Variants in PCMTD1 observed in about 807,000 individuals in gnomAD.
The protein encoded by PCMTD1 is protein-L-isoaspartate (D-aspartate) O-methyltransferase domain containing 1.
A neutral mutation model predicts 37.6 loss-of-function variants in PCMTD1; 12 were observed. The ratio of observed to expected loss-of-function variants is 0.32; its 90% CI spans 0.20 to 0.52. The LOEUF is 0.52. PCMTD1 is among the 20% of genes least tolerant of loss of function. PCMTD1 has a pLI of 0.97. For synonymous variants in PCMTD1, 117 were observed against 135.8 expected, an observed-to-expected ratio of 0.86 and a Z score of 0.96; for missense variants, 235 against 421.3, an observed-to-expected ratio of 0.56 and a Z score of 3.87.
intron 2 of PCMTD1, among the ~76,000 whole-genome samples, chr8:51,857,398 G>C (rs145164154): frequency 2.0e-5 from 3 of 152,214 alleles, no homozygotes; most frequent in African/African-American, 7.2e-5. Context: ...TTATATTATG[G>C]TTTATACAAG....
At chr8:51,837,886 T>C (rs2038090399) in intron 3 of PCMTD1, among the ~76,000 whole-genome samples, 1 of 152,112 alleles carries the variant, frequency 6.6e-6, no homozygotes, top group Non-Finnish European at 1.5e-5. Flanking sequence ...TTCAAGCAAT[T>C]CTTGTGCCTC....
chr8:51,881,543 A>T (rs1254550206), intron 1 of PCMTD1, among the ~76,000 whole-genome samples: 1 of 152,212 alleles, frequency 6.6e-6, no homozygotes, highest in East Asian at 1.9e-4. Flanking sequence ...ACATCTACAG[A>T]CAGGCAGAGT....
At chr8:51,845,946 A>C (rs1456016129) in intron 2 of PCMTD1, among the ~76,000 whole-genome samples, 183 bp from the exon 3 acceptor site, 1 of 152,150 alleles carries the variant, frequency 6.6e-6, no homozygotes, top group Non-Finnish European at 1.5e-5. Flanking sequence ...TAATGTAAAA[A>C]AAGGGGAAAA....
intron 2 of PCMTD1, among the ~76,000 whole-genome samples, chr8:51,856,923 G>A (rs1168378901): frequency 1.3e-5 from 2 of 152,200 alleles, no homozygotes; most frequent in East Asian, 3.9e-4. Context: ...CCTCAAACTG[G>A]ATTGAAAATC....
intron 4 of PCMTD1, among the ~76,000 whole-genome samples, chr8:51,833,290 G>A (rs16916865): frequency 0.12 from 17,873 of 152,198 alleles, 1,290 homozygotes; most frequent in East Asian, 0.17. Flanking sequence ...GCTGAGCTGA[G>A]TTGAAAGCCC....
intron 3 of PCMTD1, chr8:51,844,704 T>G (rs939801604): frequency 1.3e-5 from 2 of 151,974 alleles, no homozygotes; most frequent in African/African-American, 4.8e-5. Context: ...ATTCACAAGG[T>G]TTTTTAGCTT....
chr8:51,881,894 G>A (rs2129292419), intron 1 of PCMTD1, among the ~76,000 whole-genome samples: 1 of 152,230 alleles, frequency 6.6e-6, no homozygotes, highest in African/African-American at 2.4e-5. Context: ...AGCCTTTGCT[G>A]AAGTTCCCTT....
At chr8:51,898,411 C>CA (rs1232782627) in intron 1 of PCMTD1, among the ~76,000 whole-genome samples, 2 of 152,174 alleles carry the variant, frequency 1.3e-5, no homozygotes, top group Non-Finnish European at 2.9e-5. Context: ...TATAACCTCT[C>CA]AGTCCCCTCC....
At chr8:51,829,025 C>T (rs1438926198) in intron 5 of PCMTD1, among the ~76,000 whole-genome samples, 5 of 152,008 alleles carry the variant, frequency 3.3e-5, no homozygotes, top group African/African-American at 7.2e-5. Context: ...TTGTAAGTAG[C>T]GAAAGTATAC....
chr8:51,860,820 T>C lies in PCMTD1; in HGVS notation c.307+25A>G, dbSNP rs761931128. On this transcript the variant is annotated intron_variant, in intron 2 of 5. Transcript: ENST00000522514. ...ATACAAAATGGCTTATTTTTTAAAA[T>C]AGAATTTTACAAAAATAAAATTACC... 3.9e-6 allele frequency: 6 copies of C among 1,529,916 alleles called. No homozygotes were observed. In the African/African-American group the frequency reaches 4.3e-5, roughly 11 times the overall value. 94.8% of individuals were successfully genotyped at this position (1,529,916 alleles called of 1,614,324 possible). A position where few individuals can be genotyped will look rare whatever the true frequency, so the allele number is the denominator to read the frequency against.
At chr8:51,849,978 A>G in intron 2 of PCMTD1, 2 of 681,262 alleles carry the variant, frequency 2.9e-6, no homozygotes, top group South Asian at 3.1e-5. Context: ...GTGTAAAGCT[A>G]ACTTACAGAA....
At chr8:51,827,781 C>T (rs2037941843) in intron 5 of PCMTD1, among the ~76,000 whole-genome samples, 1 of 152,096 alleles carries the variant, frequency 6.6e-6, no homozygotes, top group Non-Finnish European at 1.5e-5. Flanking sequence ...ATCATTTAGT[C>T]TGTAAATATT....
chr8:51,899,135 G>A (rs539439736), upstream of PCMTD1: 34 of 1,377,014 alleles, frequency 2.5e-5, no homozygotes, highest in Middle Eastern at 2.6e-4. Context: ...CGGGCACAGG[G>A]GCAGCTCCCC....
intron 1 of PCMTD1, among the ~76,000 whole-genome samples, chr8:51,887,106 T>C (rs1479854522): frequency 6.6e-6 from 1 of 152,222 alleles, no homozygotes; most frequent in African/African-American, 2.4e-5. Context: ...ATGATTACAC[T>C]GGGCTTATCG....
chr8:51,874,623 T>TGTAA (rs2038687475), intron 1 of PCMTD1, among the ~76,000 whole-genome samples: 1 of 152,090 alleles, frequency 6.6e-6, no homozygotes, highest in South Asian at 2.1e-4. Context: ...AGCCAAACAG[T>TGTAA]GTAAAATTAC....
intron 5 of PCMTD1, chr8:51,827,000 T>C: frequency 6.3e-6 from 6 of 945,040 alleles, no homozygotes; most frequent in South Asian, 4.9e-5. Context: ...AATTTATATA[T>C]ATATTATTTT....
At chr8:51,872,257 CG>C (rs938856891) in intron 1 of PCMTD1, among the ~76,000 whole-genome samples, 1 of 152,138 alleles carries the variant, frequency 6.6e-6, no homozygotes, top group Admixed American at 6.5e-5. Flanking sequence ...TATTACCACA[CG>C]TATCTCCCTA....
At chr8:51,843,594 A>G (rs948299835) in intron 3 of PCMTD1, among the ~76,000 whole-genome samples, 4 of 85,646 alleles carry the variant, frequency 4.7e-5, no homozygotes, top group Non-Finnish European at 1.5e-4. Context: ...GTATTTTACA[A>G]TAACAAAAAA....
intron 1 of PCMTD1, among the ~76,000 whole-genome samples, chr8:51,887,933 C>T (rs567853520): frequency 1.4e-4 from 21 of 151,936 alleles, no homozygotes; most frequent in African/African-American, 4.6e-4. Flanking sequence ...TTAGTAGAGA[C>T]GGAGTTTCAC....
Sources: allele counts gnomAD v4.1 joint callset (sites outside exome capture counted in the v4.1 genomes callset), GRCh38; gene constraint gnomAD v4.1.1; transcripts MANE v1.5; gene names NCBI Gene and HGNC (gene_info 2026-07-23, HGNC 2026-07-21).